Variants in LINGO2 observed in about 807,000 individuals in gnomAD.
LINGO2 encodes the protein leucine-rich repeat and immunoglobulin-like domain-containing nogo receptor-interacting protein 2.
In LINGO2, 14 loss-of-function variants were observed where a neutral mutation model predicts 30.6. The observed-to-expected ratio is 0.46, with a 90% confidence interval of 0.30 to 0.72. The LOEUF (loss-of-function observed/expected upper bound fraction) is 0.72. LINGO2 is among the 30% of genes least tolerant of loss of function. The pLI is 0.07. For synonymous variants in LINGO2, 317 were observed against 288.5 expected (o/e 1.10, Z -1.00); for missense variants, 729 against 751.7 (o/e 0.97, Z 0.35).
chr9:28,772,376 C>T, the LINGO2 span, among the ~76,000 whole-genome samples: 1 of 152,306 alleles, frequency 6.6e-6, no homozygotes, highest in South Asian at 2.1e-4. Context: ...TTAGTAACAT[C>T]CTTTTTGAAA....
the LINGO2 span, among the ~76,000 whole-genome samples, chr9:29,143,735 T>C: frequency 2.2e-3 from 341 of 152,280 alleles, 1 homozygote; most frequent in African/African-American, 7.8e-3. Context: ...TTCACTTTGA[T>C]GATTGTTTAC....
chr9:28,854,784 G>T, the LINGO2 span, among the ~76,000 whole-genome samples: 1 of 151,752 alleles, frequency 6.6e-6, no homozygotes, highest in African/African-American at 2.4e-5. Context: ...ATACTGTCAG[G>T]TACCAAAAAG....
the LINGO2 span, among the ~76,000 whole-genome samples, chr9:28,773,401 G>A: frequency 6.6e-6 from 1 of 150,846 alleles, no homozygotes; most frequent in Non-Finnish European, 1.5e-5. Flanking sequence ...ATACAAAGTT[G>A]TAGTGTTTGA....
At chr9:28,349,975 A>G (rs369255378) in intron 3 of LINGO2, among the ~76,000 whole-genome samples, 1 of 152,196 alleles carries the variant, frequency 6.6e-6, no homozygotes, top group African/African-American at 2.4e-5. Flanking sequence ...CACCAGGCCT[A>G]CCTTAAAAGA....
In LINGO2 at chr9:28,038,023, C is replaced by T. The variant is rs980420414; in HGVS notation, c.-86-25618G>A. On this transcript the variant is annotated intron_variant, in intron 4 of 5. Coordinates refer to ENST00000379992, the Ensembl canonical transcript of LINGO2. ...GAATAGTAACTGAACTAAGATGAAA[C>T]AGTGGTAGTGAGTTTCAGAGCTGAG... 5.9e-5 allele frequency among the ~76,000 whole-genome samples: 9 copies of T among 152,210 alleles called. No individual in the cohort carries two copies. The South Asian group carries it at 1.7e-3, about 28-fold the overall frequency.
At chr9:28,704,576 G>T in the LINGO2 span, among the ~76,000 whole-genome samples, 21,150 of 151,452 alleles carry the variant, frequency 0.14, 1,960 homozygotes, top group African/African-American at 0.26. Flanking sequence ...ACAGTTCTTG[G>T]GTATTCTGTA....
the LINGO2 span, among the ~76,000 whole-genome samples, chr9:28,959,752 G>A: frequency 1.3e-5 from 2 of 151,962 alleles, no homozygotes; most frequent in African/African-American, 4.8e-5. Context: ...AATGGCTACT[G>A]CTTCCAGGCA....
At chr9:28,891,580 GGT>G in the LINGO2 span, among the ~76,000 whole-genome samples, 2 of 151,758 alleles carry the variant, frequency 1.3e-5, no homozygotes, top group African/African-American at 4.8e-5. Context: ...GTACCTTTGG[GGT>G]GAGTATAGAT....
chr9:28,739,537 A>G, the LINGO2 span, among the ~76,000 whole-genome samples: 98,659 of 151,636 alleles, frequency 0.65, 34,001 homozygotes, highest in Non-Finnish European at 0.78. Flanking sequence ...TAATAATACA[A>G]CAGGAAGAAC....
chr9:28,877,826 T>C, the LINGO2 span, among the ~76,000 whole-genome samples: 1 of 152,186 alleles, frequency 6.6e-6, no homozygotes, highest in African/African-American at 2.4e-5. Flanking sequence ...GCATTGAATC[T>C]ATAAATTACC....
At chr9:29,089,241 G>A in the LINGO2 span, among the ~76,000 whole-genome samples, 1 of 151,116 alleles carries the variant, frequency 6.6e-6, no homozygotes, top group Non-Finnish European at 1.5e-5. Flanking sequence ...TAGCAATATA[G>A]TATTATTATT....
At chr9:28,240,725 G>T (rs1206638303) in intron 4 of LINGO2, among the ~76,000 whole-genome samples, 1 of 152,096 alleles carries the variant, frequency 6.6e-6, no homozygotes, top group Non-Finnish European at 1.5e-5. Context: ...CCAGTAAATT[G>T]GTCTGGGCAA....
At chr9:28,676,074 C>G in the LINGO2 span, among the ~76,000 whole-genome samples, 2 of 150,144 alleles carry the variant, frequency 1.3e-5, 1 homozygote, top group South Asian at 4.2e-4. Context: ...ATGACATTTC[C>G]TCGGAACTTA....
At chr9:27,971,326 C>T (rs1443662789) in intron 5 of LINGO2, among the ~76,000 whole-genome samples, 1 of 151,872 alleles carries the variant, frequency 6.6e-6, no homozygotes, top group Non-Finnish European at 1.5e-5. Flanking sequence ...TTAAGGTGGC[C>T]AACATATTAT....
At chr9:28,324,030 T>C (rs1207894162) in intron 3 of LINGO2, among the ~76,000 whole-genome samples, 1 of 152,144 alleles carries the variant, frequency 6.6e-6, no homozygotes, top group Admixed American at 6.5e-5. Flanking sequence ...CTACAGCTCT[T>C]ATATAAACAA....
the LINGO2 span, among the ~76,000 whole-genome samples, chr9:28,817,217 T>C: frequency 1.4e-5 from 2 of 147,108 alleles, no homozygotes; most frequent in African/African-American, 4.9e-5. Context: ...TCCTGAGCTA[T>C]GTAAGGATTT....
chr9:28,807,934 G>C, the LINGO2 span, among the ~76,000 whole-genome samples: 2 of 152,038 alleles, frequency 1.3e-5, no homozygotes, highest in African/African-American at 4.8e-5. Flanking sequence ...AAAAATAAGA[G>C]CAAGATAAAC....
chr9:28,348,292 C>T (rs35550563), intron 3 of LINGO2, among the ~76,000 whole-genome samples: 57,731 of 151,880 alleles, frequency 0.38, 11,441 homozygotes, highest in South Asian at 0.55. Flanking sequence ...TGGGTGTGTG[C>T]ACCGTGCACG....
At chr9:28,484,551 A>C (rs764374558) in intron 1 of LINGO2, among the ~76,000 whole-genome samples, 3 of 152,000 alleles carry the variant, frequency 2.0e-5, no homozygotes, top group Non-Finnish European at 4.4e-5. Flanking sequence ...CTCACGTGAC[A>C]TGTTTGTAGA....
Sources: gnomAD v4.1 joint callset for allele counts (sites outside exome capture counted in the v4.1 genomes callset) on GRCh38, gnomAD v4.1.1 for gene constraint, MANE v1.5 for transcripts, NCBI Gene and HGNC (gene_info 2026-07-23, HGNC 2026-07-21) for gene names.